The following TBC1D32 variants were observed in gnomAD, a reference collection of about 807,000 sequenced individuals.
TBC1D32 encodes TBC1 domain family member 32.
Under a neutral mutation model 170.3 loss-of-function variants are expected in TBC1D32, and 151 were observed. The observed-to-expected ratio is 0.89, with a 90% CI of 0.78 to 1.01. TBC1D32 has a LOEUF of 1.01. TBC1D32 is among the 50% of genes least tolerant of loss of function. The pLI, the probability that TBC1D32 is intolerant of heterozygous loss-of-function variation, is 0.00. For missense variants in TBC1D32, 1,464 were observed against 1,457.1 expected, an observed-to-expected ratio of 1.00 and a Z score of -0.08; for synonymous variants, 498 against 488.0, an observed-to-expected ratio of 1.02 and a Z score of -0.27.
At chr6:121,268,530 C>T (rs114354843) in intron 15 of TBC1D32, among the ~76,000 whole-genome samples, 1 of 151,982 alleles carries the variant, frequency 6.6e-6, no homozygotes, top group Non-Finnish European at 1.5e-5. Context: ...AGATCAAATG[C>T]ATGAAATTAC....
Position 121,256,134 on chromosome 6 carries a change from C to G in TBC1D32, c.1885G>C (p.Val629Leu). The change falls in exon 16 of 32, where the codon GTG (valine) becomes CTG (leucine). Residue 629 changes from valine (V) to leucine (L), a missense_variant. Physicochemically the swap from Val to Leu is conservative, Grantham distance 32 (BLOSUM62 1). Around this residue, in one of 3 missense-constraint regions of TBC1D32, gnomAD observed 1,363 missense variants for 1,338.1 expected, o/e 1.02. Coordinates refer to ENST00000398212, the MANE Select transcript of TBC1D32 (RefSeq NM_152730.6). ...TCATGCAAATTATAAGTGATTAACA[C>G]CTGCAAACCTTCACATGTACTATAT... is the stretch of plus-strand genomic sequence containing the variant. The part of the protein sequence containing the change: ...HIYSTCEGLQ[V>L]LITYNLHESI... 2 of 1,613,962 alleles carry G rather than the reference C, an allele frequency of 1.2e-6. No individual in the cohort carries two copies. Among genetic ancestry groups the G allele is most frequent in the Non-Finnish European group, 1.7e-6 (2 of 1,179,970 alleles).
chr6:121,139,139 C>T (rs1430419927), intron 24 of TBC1D32, among the ~76,000 whole-genome samples: 1 of 152,182 alleles, frequency 6.6e-6, no homozygotes, highest in East Asian at 1.9e-4. Context: ...AGCTACCGTG[C>T]CCAGCCATAC....
intron 22 of TBC1D32, among the ~76,000 whole-genome samples, chr6:121,186,345 T>C (rs1477659266): frequency 6.6e-6 from 1 of 151,942 alleles, no homozygotes; most frequent in African/African-American, 2.4e-5. Flanking sequence ...CCATATCTAG[T>C]GGTAAAAATT....
chr6:121,172,863 C>T (rs193147987), intron 22 of TBC1D32, among the ~76,000 whole-genome samples: 85 of 152,016 alleles, frequency 5.6e-4, no homozygotes, highest in Middle Eastern at 6.8e-3. Context: ...GGTGTGTTTC[C>T]GGTTGTATAA....
chr6:121,311,200 A>G (rs940879447), intron 3 of TBC1D32, among the ~76,000 whole-genome samples: 1 of 152,184 alleles, frequency 6.6e-6, no homozygotes, highest in African/African-American at 2.4e-5. Context: ...AGAGCTACCA[A>G]TAGTACCCTA....
chr6:121,260,788 A>ACTG (rs1301298675), intron 15 of TBC1D32, among the ~76,000 whole-genome samples: 4 of 152,142 alleles, frequency 2.6e-5, no homozygotes, highest in Non-Finnish European at 5.9e-5. Flanking sequence ...GGCCATCACC[A>ACTG]CTGCTGCTGC....
chr6:121,131,849 G>T, intron 24 of TBC1D32, 97 bp from the exon 25 acceptor site: 7 of 858,168 alleles, frequency 8.2e-6, no homozygotes, highest in Non-Finnish European at 1.2e-5. Context: ...ATTCCATATG[G>T]AATACATATG....
chr6:121,242,428 T>C, intron 17 of TBC1D32, 89 bp from the exon 18 acceptor site: 1 of 1,320,612 alleles, frequency 7.6e-7, no homozygotes, highest in Non-Finnish European at 1.1e-6. Flanking sequence ...TAACCCTGTT[T>C]ACAATTAAAG....
At chr6:121,276,011 T>C (rs999425420) in intron 15 of TBC1D32, among the ~76,000 whole-genome samples, 2 of 151,520 alleles carry the variant, frequency 1.3e-5, no homozygotes, top group African/African-American at 4.8e-5. Context: ...TCCCAGCTAC[T>C]TGGGAGACTG....
intron 17 of TBC1D32, among the ~76,000 whole-genome samples, chr6:121,246,520 A>T (rs1456260962): frequency 6.6e-6 from 1 of 152,064 alleles, no homozygotes; most frequent in East Asian, 1.9e-4. Flanking sequence ...CCAGCAATGG[A>T]TCCAAACCAA....
intron 12 of TBC1D32, among the ~76,000 whole-genome samples, chr6:121,290,972 A>G: frequency 1.2e-4 from 1 of 8,496 alleles, no homozygotes; most frequent in Admixed American, 2.2e-3. Flanking sequence ...GGACACAGGA[A>G]GGGGAGCATC....
intron 26 of TBC1D32, among the ~76,000 whole-genome samples, chr6:121,124,124 A>C (rs1012404613): frequency 6.6e-6 from 1 of 152,078 alleles, no homozygotes; most frequent in Admixed American, 6.6e-5. Context: ...AGTGGTTAAC[A>C]TACCATGACT....
intron 20 of TBC1D32, among the ~76,000 whole-genome samples, chr6:121,228,160 C>G (rs904777857): frequency 2.6e-5 from 4 of 151,964 alleles, no homozygotes; most frequent in African/African-American, 9.7e-5. Context: ...TTTTGGATCT[C>G]TCTTATTTTT....
At chr6:121,181,583 G>C (rs1034422807) in intron 22 of TBC1D32, among the ~76,000 whole-genome samples, 1 of 151,992 alleles carries the variant, frequency 6.6e-6, no homozygotes, top group South Asian at 2.1e-4. Flanking sequence ...ATCAGTGTGA[G>C]AACAGACTAA....
In TBC1D32 at chr6:121,137,239, C is replaced by G. The variant is rs1039252802; in HGVS notation, c.2774-5487G>C. On this transcript the variant is annotated intron_variant, in intron 24 of 31. Coordinates refer to ENST00000398212, the MANE Select transcript of TBC1D32 (RefSeq NM_152730.6). The stretch of plus-strand genomic sequence containing the variant: ...CACAATGCTTTATTTTTATAGCAAC[C>G]ATGTCTACATTCCTCTAAAAGTGCA... Among the ~76,000 whole-genome samples the G allele has an allele frequency of 1.3e-5, 2 of 151,682 alleles. 1 individual carries two copies. Among genetic ancestry groups the G allele is most frequent in the Admixed American group, 1.3e-4 (2 of 15,228 alleles).
At chr6:121,249,388 C>G (rs1055007530) in intron 17 of TBC1D32, among the ~76,000 whole-genome samples, 1 of 151,814 alleles carries the variant, frequency 6.6e-6, no homozygotes, top group Admixed American at 6.6e-5. Flanking sequence ...TGAAAGCATT[C>G]CCCCTGAGAG....
Position 121,304,603 on chromosome 6 carries a change from AAAGT to A in TBC1D32, c.788_791del (p.Tyr263PhefsTer15), listed in dbSNP as rs1563324388. The A allele has an allele frequency of 1.9e-6, 3 of 1,610,510 alleles. No individual in the cohort carries two copies. Among genetic ancestry groups the A allele is most frequent in the Non-Finnish European group, 1.7e-6 (2 of 1,177,908 alleles). On this transcript the variant is annotated frameshift_variant, in exon 7 of 32. Transcript: ENST00000398212. LOFTEE classifies it high-confidence loss of function. ...TAGGAATATGATTTTCCCTAGAAAGAAAGTATGACTCCAAATACTTAGCTGAAAA... is the reference window on the plus strand; with the variant it reads ...TAGGAATATGATTTTCCCTAGAAAGAATGACTCCAAATACTTAGCTGAAAA...
rs569304195 is a variant in TBC1D32 at position 121,080,986 on chromosome 6, G to C, written c.3655-96C>G. The C allele has an allele frequency of 2.6e-4, 378 of 1,435,112 alleles. 5 individuals carry two copies. In the South Asian group the frequency reaches 5.0e-3, roughly 19 times the overall value. The allele number at this position is 1,435,112 out of a possible 1,614,324, so 88.9% of individuals were successfully genotyped here. ...ATAATTGATATACCATTTATTTTCA[G>C]CTATAGATGGGGTGGGCTGTTTATG... On this transcript the variant is annotated intron_variant, in intron 31 of 31. Coordinates refer to ENST00000398212, the MANE Select transcript of TBC1D32 (RefSeq NM_152730.6).
In TBC1D32 at chr6:121,324,976, G is replaced by A. The variant is rs185157221; in HGVS notation, c.156-3182C>T. ...TGTAATCCCAGTACTTTGGGAGGCC[G>A]AAGCAGGTGGATCACCAGAGGTCAG... On this transcript the variant is annotated intron_variant, in intron 1 of 31. Transcript: ENST00000398212. Among the ~76,000 whole-genome samples the A allele has an allele frequency of 8.9e-3, 1,352 of 152,280 alleles. 13 individuals are homozygous for A. Among genetic ancestry groups the A allele is most frequent in the Non-Finnish European group, 0.014 (948 of 68,012 alleles).
Sources: gnomAD v4.1 joint callset for allele counts (sites outside exome capture counted in the v4.1 genomes callset) on GRCh38, gnomAD v4.1.1 for gene constraint, gnomAD v4.1.1 regional missense constraint, MANE v1.5 for transcripts, NCBI Gene and HGNC (gene_info 2026-07-23, HGNC 2026-07-21) for gene names.